TAOK1: variants seen among roughly 807,000 people sequenced by gnomAD.
TAOK1 encodes TAO kinase 1.
TAOK1 carries 21 observed loss-of-function variants against 138.3 expected under a neutral mutation model. The observed-to-expected ratio is 0.15, with a 90% confidence interval of 0.11 to 0.22. The LOEUF (loss-of-function observed/expected upper bound fraction) is 0.22. TAOK1 is among the 10% of genes least tolerant of loss of function. The probability of loss-of-function intolerance (pLI) is 1.00; values close to 1 mark genes in which losing one functional copy is unlikely to be tolerated. For synonymous variants in TAOK1, 361 were observed against 398.4 expected (o/e 0.91, Z 1.12); for missense variants, 651 against 1,227.7 (o/e 0.53, Z 7.02).
At chr17:29,487,156 T>G (rs474002) in intron 8 of TAOK1, among the ~76,000 whole-genome samples, 93,512 of 149,072 alleles carry the variant, frequency 0.63, 29,729 homozygotes, top group Middle Eastern at 0.68. Context: ...TGAGGTAGGA[T>G]AATTGCTTGA....
chr17:29,424,984 A>G (rs1383701892), intron 1 of TAOK1: 3 of 152,212 alleles, frequency 2.0e-5, no homozygotes, highest in African/African-American at 4.8e-5. Flanking sequence ...CTATTGAGAT[A>G]TACTACTTTG....
chr17:29,397,607 C>CCCA (rs60665025), intron 1 of TAOK1, among the ~76,000 whole-genome samples: 15,508 of 94,504 alleles, frequency 0.16, 2,068 homozygotes, highest in Middle Eastern at 0.23. Context: ...CGTCCCCCCC[C>CCCA]AAAAAAATAT....
At chr17:29,431,061 C>G (rs1419976105) in intron 1 of TAOK1, among the ~76,000 whole-genome samples, 1 of 152,114 alleles carries the variant, frequency 6.6e-6, no homozygotes, top group East Asian at 1.9e-4. Context: ...CTGCTCTGTT[C>G]TAGAATCTGT....
intron 1 of TAOK1, among the ~76,000 whole-genome samples, chr17:29,434,172 T>C (rs1012161040): frequency 6.6e-6 from 1 of 152,180 alleles, no homozygotes; most frequent in African/African-American, 2.4e-5. Flanking sequence ...TTTGCTGGCA[T>C]GTTGGGCTTT....
chr17:29,409,751 C>T (rs1015401803), intron 1 of TAOK1, among the ~76,000 whole-genome samples: 20 of 152,064 alleles, frequency 1.3e-4, no homozygotes, highest in African/African-American at 4.6e-4. Flanking sequence ...GTTATGAAGT[C>T]GTGGGATTTC....
At chr17:29,526,479 A>G (rs1166275927) in intron 17 of TAOK1, among the ~76,000 whole-genome samples, 3 of 152,022 alleles carry the variant, frequency 2.0e-5, no homozygotes, top group Admixed American at 6.6e-5. Context: ...GCAGTGGCGC[A>G]ATCTCGGCTC....
chr17:29,536,945 C>T (rs1452637080), intron 19 of TAOK1, among the ~76,000 whole-genome samples: 1 of 152,138 alleles, frequency 6.6e-6, no homozygotes, highest in Non-Finnish European at 1.5e-5. Context: ...CGTGATCCGC[C>T]TGCCTCGGCC....
intron 8 of TAOK1, 52 bp downstream of exon 8, chr17:29,482,340 T>C: frequency 7.4e-7 from 1 of 1,347,980 alleles, no homozygotes; most frequent in Admixed American, 1.9e-5. Context: ...ATGTTTTACC[T>C]CAATTTCTGT....
intron 11 of TAOK1, among the ~76,000 whole-genome samples, chr17:29,496,554 A>G: frequency 6.6e-6 from 1 of 150,630 alleles, no homozygotes. Flanking sequence ...GTCACCAAAG[A>G]AACTTGATTT....
chr17:29,480,569 G>A, intron 7 of TAOK1, 88 bp downstream of exon 7: 1 of 1,160,808 alleles, frequency 8.6e-7, no homozygotes, highest in Non-Finnish European at 1.2e-6. Context: ...GTAAAGTACT[G>A]TCAGGAATGT....
At chr17:29,414,430 A>G (rs1397976729) in intron 1 of TAOK1, among the ~76,000 whole-genome samples, 1 of 149,412 alleles carries the variant, frequency 6.7e-6, no homozygotes, top group Non-Finnish European at 1.5e-5. Flanking sequence ...TTGTATTTTT[A>G]GTAGAAATGG....
At chr17:29,482,153 CT>C in intron 7 of TAOK1, 43 bp from the exon 8 acceptor site, 2 of 1,453,750 alleles carry the variant, frequency 1.4e-6, no homozygotes, top group African/African-American at 1.4e-5. Flanking sequence ...GGATAGAATA[CT>C]TTTTAAAAAA....
intron 1 of TAOK1, among the ~76,000 whole-genome samples, chr17:29,441,060 T>A (rs2029928432): frequency 6.6e-6 from 1 of 152,244 alleles, no homozygotes; most frequent in African/African-American, 2.4e-5. Flanking sequence ...TGTATAATCC[T>A]TTTAACATGC....
intron 18 of TAOK1, among the ~76,000 whole-genome samples, chr17:29,533,718 G>A (rs1179081906): frequency 1.3e-5 from 2 of 150,958 alleles, no homozygotes; most frequent in Non-Finnish European, 2.9e-5. Flanking sequence ...GCGCGCGCCT[G>A]CAATCGCAGG....
intron 18 of TAOK1, among the ~76,000 whole-genome samples, chr17:29,532,592 C>CT (rs1163354622): frequency 6.6e-6 from 1 of 152,144 alleles, no homozygotes; most frequent in Non-Finnish European, 1.5e-5. Context: ...CAAAGCACAT[C>CT]TTGCACCGCC....
At chr17:29,542,027 A>G (rs966256720) in intron 19 of TAOK1, among the ~76,000 whole-genome samples, 2 of 151,772 alleles carry the variant, frequency 1.3e-5, no homozygotes, top group African/African-American at 4.8e-5. Flanking sequence ...GGGGCCCGCC[A>G]CCACCATGCC....
At chr17:29,462,552 A>T (rs1320988417) in intron 2 of TAOK1, among the ~76,000 whole-genome samples, 1 of 152,200 alleles carries the variant, frequency 6.6e-6, no homozygotes, top group African/African-American at 2.4e-5. Flanking sequence ...TTGAAACGGG[A>T]TGTAATATTT....
chr17:29,453,605 G>A (rs548997082), intron 2 of TAOK1, among the ~76,000 whole-genome samples: 15 of 144,168 alleles, frequency 1.0e-4, no homozygotes, highest in East Asian at 2.1e-4. Flanking sequence ...GAGACAGAGC[G>A]TCGCTCTGTT....
At chr17:29,433,095 A>G (rs1372461007) in intron 1 of TAOK1, among the ~76,000 whole-genome samples, 1 of 152,152 alleles carries the variant, frequency 6.6e-6, no homozygotes, top group Non-Finnish European at 1.5e-5. Context: ...ATTACTAGTA[A>G]TGCAAGAGAA....
Sources: gnomAD v4.1 joint callset for allele counts (sites outside exome capture counted in the v4.1 genomes callset) on GRCh38, gnomAD v4.1.1 for gene constraint, MANE v1.5 for transcripts, NCBI Gene and HGNC (gene_info 2026-07-23, HGNC 2026-07-21) for gene names.